BCL2: variants seen among roughly 807,000 people sequenced by gnomAD.
BCL2 encodes BCL2 apoptosis regulator, also known as apoptosis regulator Bcl-2.
BCL2 carries 1 observed loss-of-function variant against 14.2 expected under a neutral mutation model. That is an observed-to-expected ratio of 0.07 (90% confidence interval 0.02 to 0.33). The LOEUF (loss-of-function observed/expected upper bound fraction) is 0.33. Among genes scored for constraint, BCL2 ranks in the 10% least tolerant of loss-of-function variants. BCL2 has a pLI of 0.99. For missense variants in BCL2, 247 were observed against 305.9 expected (o/e 0.81, Z 1.44); for synonymous variants, 151 against 137.2 (o/e 1.10, Z -0.70).
At chr18:63,211,284 C>T (rs1909995973) in intron 2 of BCL2, among the ~76,000 whole-genome samples, 1 of 152,008 alleles carries the variant, frequency 6.6e-6, no homozygotes, top group South Asian at 2.1e-4. Context: ...TCTCAAACTC[C>T]TGACCTCAAG....
At chr18:63,238,730 A>G (rs1910908111) in intron 2 of BCL2, among the ~76,000 whole-genome samples, 2 of 152,232 alleles carry the variant, frequency 1.3e-5, no homozygotes, top group Admixed American at 1.3e-4. Flanking sequence ...TGCAGTAACT[A>G]TACCTACTTG....
chr18:63,124,230 AT>A lies in BCL2; in HGVS notation c.*4394del, dbSNP rs45489598. 155 of 223,508 alleles carry A rather than the reference AT, an allele frequency of 6.9e-4. 2 individuals carry two copies. The East Asian group carries it at 9.9e-3, about 14-fold the overall frequency. 13.8% of individuals were successfully genotyped at this position (223,508 alleles called of 1,614,324 possible). A position where few individuals can be genotyped will look rare whatever the true frequency, so the allele number is the denominator to read the frequency against. On this transcript the variant is annotated 3_prime_UTR_variant, in exon 3 of 3. Coordinates refer to ENST00000333681, the MANE Select transcript of BCL2 (RefSeq NM_000633.3). ...GTTTCACATTGCTTAATTTTATAAA[AT>A]TTTTTTCTGTATTGTACATAATAAA...
chr18:63,225,607 G>T (rs937316243), intron 2 of BCL2, among the ~76,000 whole-genome samples: 1 of 152,184 alleles, frequency 6.6e-6, no homozygotes. Flanking sequence ...TTATTTCCCT[G>T]AACGCTTCAT....
At position 63,179,674 on chromosome 18, in the gene BCL2, C is replaced by A. The variant is rs373192244; in HGVS notation, c.586-50915G>T. ...ATCTCAGCAAAGGACTCAGTCTTTA[C>A]CCAGCCTGAATCTTACCTGTGGTCC... On this transcript the variant is annotated intron_variant, in intron 2 of 2. Transcript: ENST00000333681. 2.4e-4 allele frequency among the ~76,000 whole-genome samples: 37 copies of A among 152,276 alleles called. No individual in the cohort carries two copies. The South Asian group carries it at 7.5e-3, about 31-fold the overall frequency.
chr18:63,167,625 A>G (rs993869460), intron 2 of BCL2, among the ~76,000 whole-genome samples: 1 of 151,954 alleles, frequency 6.6e-6, no homozygotes, highest in Admixed American at 6.6e-5. Context: ...TACAAAAAAA[A>G]TTAAGAATTA....
At chr18:63,263,093 T>C (rs942837154) in intron 2 of BCL2, among the ~76,000 whole-genome samples, 1 of 152,180 alleles carries the variant, frequency 6.6e-6, no homozygotes, top group African/African-American at 2.4e-5. Flanking sequence ...CGGAAAACTG[T>C]GCTCATCAGG....
intron 2 of BCL2, among the ~76,000 whole-genome samples, chr18:63,174,189 G>A (rs1333033042): frequency 6.6e-6 from 1 of 152,022 alleles, no homozygotes; most frequent in African/African-American, 2.4e-5. Context: ...GTACTCTTTT[G>A]TTCCTCATTT....
chr18:63,177,226 A>G lies in BCL2; in HGVS notation c.586-48467T>C, dbSNP rs1283105811. The stretch of plus-strand genomic sequence containing the variant: ...TTTTCAAAAGTAAAAAATAAATTAA[A>G]AAAAAAGTCTTTAGTGGATTGCTGA... On this transcript the variant is annotated intron_variant, in intron 2 of 2. Transcript: ENST00000333681. Among the ~76,000 whole-genome samples, 5 of 152,324 alleles carry G rather than the reference A, an allele frequency of 3.3e-5. No homozygotes were observed. The East Asian group carries it at 9.6e-4, about 29-fold the overall frequency.
intron 2 of BCL2, among the ~76,000 whole-genome samples, chr18:63,313,445 C>A (rs1280389482): frequency 6.6e-6 from 1 of 152,148 alleles, no homozygotes; most frequent in African/African-American, 2.4e-5. Context: ...AAAGGATGAC[C>A]AGATTGACAA....
chr18:63,163,494 A>T (rs1161793090), intron 2 of BCL2, among the ~76,000 whole-genome samples: 1 of 152,228 alleles, frequency 6.6e-6, no homozygotes, highest in Non-Finnish European at 1.5e-5. Context: ...ATTGAAACAA[A>T]TATTATTTTA....
intron 2 of BCL2, among the ~76,000 whole-genome samples, chr18:63,219,788 C>A (rs1024978548): frequency 6.6e-6 from 1 of 152,136 alleles, no homozygotes; most frequent in Non-Finnish European, 1.5e-5. Flanking sequence ...ATTTTAAAGA[C>A]CTACCTCACC....
chr18:63,159,861 A>T (rs917418964), intron 2 of BCL2, among the ~76,000 whole-genome samples: 1 of 152,170 alleles, frequency 6.6e-6, no homozygotes, highest in African/African-American at 2.4e-5. Context: ...GGGACTGCCC[A>T]CGCGTACGCA....
At chr18:63,189,663 C>G (rs1282387178) in intron 2 of BCL2, among the ~76,000 whole-genome samples, 1 of 151,938 alleles carries the variant, frequency 6.6e-6, no homozygotes, top group Admixed American at 6.6e-5. Context: ...CCCAGATTGC[C>G]GAATTATACC....
intron 2 of BCL2, among the ~76,000 whole-genome samples, chr18:63,301,361 T>C (rs1353516705): frequency 3.9e-5 from 6 of 152,266 alleles, no homozygotes; most frequent in South Asian, 2.1e-4. Flanking sequence ...CACTGAACTA[T>C]ACATTTAAAA....
chr18:63,128,293 C>T lies in BCL2; in HGVS notation c.*332G>A, dbSNP rs1445199719. ...ACAGGCACAGAACATCCAGGTGGAG[C>T]CACACGAAGCGGTGCTTGGCAATTA... On this transcript the variant is annotated 3_prime_UTR_variant, in exon 3 of 3. Transcript: ENST00000333681. 4.0e-6 allele frequency: 1 copy of T among 251,046 alleles called. No individual in the cohort carries two copies. Among genetic ancestry groups the T allele is most frequent in the Non-Finnish European group, 7.7e-6 (1 of 129,378 alleles). 15.6% of individuals were successfully genotyped at this position (251,046 alleles called of 1,614,324 possible).
intron 2 of BCL2, among the ~76,000 whole-genome samples, chr18:63,219,217 AC>A (rs1910311776): frequency 6.6e-6 from 1 of 152,084 alleles, no homozygotes; most frequent in African/African-American, 2.4e-5. Context: ...TGCTGTTCCT[AC>A]CATGTGGAAC....
intron 2 of BCL2, among the ~76,000 whole-genome samples, chr18:63,194,523 C>T (rs1026481239): frequency 9.2e-5 from 14 of 151,632 alleles, no homozygotes; most frequent in Non-Finnish European, 1.3e-4. Flanking sequence ...TTAGTAGAGA[C>T]GGGATTTCAC....
At chr18:63,172,264 T>C (rs1267081899) in intron 2 of BCL2, among the ~76,000 whole-genome samples, 1 of 152,258 alleles carries the variant, frequency 6.6e-6, no homozygotes, top group Non-Finnish European at 1.5e-5. Flanking sequence ...TTCATTCACG[T>C]ACTCACTTGC....
intron 2 of BCL2, among the ~76,000 whole-genome samples, chr18:63,233,811 C>T (rs1189290272): frequency 6.6e-6 from 1 of 152,116 alleles, no homozygotes; most frequent in Non-Finnish European, 1.5e-5. Flanking sequence ...AGAGTGTTTA[C>T]TGCTGGGAAA....
Sources: allele counts gnomAD v4.1 joint callset (sites outside exome capture counted in the v4.1 genomes callset), GRCh38; gene constraint gnomAD v4.1.1; transcripts MANE v1.5; gene names NCBI Gene and HGNC (gene_info 2026-07-23, HGNC 2026-07-21).